Variants in ROR1 observed in about 807,000 individuals in gnomAD.
ROR1 encodes inactive tyrosine-protein kinase transmembrane receptor ROR1.
Under a neutral mutation model 78.8 loss-of-function variants are expected in ROR1, and 19 were observed. The observed-to-expected ratio is 0.24, with a 90% CI of 0.17 to 0.35. ROR1 has a LOEUF of 0.35. Ranked by LOEUF, ROR1 falls within the 10% of genes least tolerant of loss-of-function variation. The pLI is 1.00. For synonymous variants in ROR1, 386 were observed against 433.6 expected, an observed-to-expected ratio of 0.89 and a Z score of 1.36; for missense variants, 917 against 1,177.8, an observed-to-expected ratio of 0.78 and a Z score of 3.24.
At chr1:64,101,564 G>C (rs1647544777) in intron 4 of ROR1, among the ~76,000 whole-genome samples, 1 of 152,158 alleles carries the variant, frequency 6.6e-6, no homozygotes, top group African/African-American at 2.4e-5. Flanking sequence ...GCCAGCTCCT[G>C]TTCTAAGAAC....
At chr1:64,056,810 G>A (rs906094851) in intron 4 of ROR1, among the ~76,000 whole-genome samples, 3 of 151,938 alleles carry the variant, frequency 2.0e-5, no homozygotes, top group Non-Finnish European at 2.9e-5. Context: ...GGCCATTTAT[G>A]TTTTCTTTGG....
At chr1:64,065,148 A>G (rs1016549961) in intron 4 of ROR1, among the ~76,000 whole-genome samples, 1 of 152,182 alleles carries the variant, frequency 6.6e-6, no homozygotes, top group African/African-American at 2.4e-5. Flanking sequence ...TGTGGCAAAC[A>G]CTTACTAAGT....
chr1:63,857,720 G>A (rs1351739038), intron 1 of ROR1, among the ~76,000 whole-genome samples: 2 of 152,194 alleles, frequency 1.3e-5, no homozygotes, highest in African/African-American at 4.8e-5. Flanking sequence ...TCAAGTGCAA[G>A]TTCATACTAT....
chr1:63,920,524 C>G (rs1322635605), intron 1 of ROR1, among the ~76,000 whole-genome samples: 1 of 152,146 alleles, frequency 6.6e-6, no homozygotes, highest in Non-Finnish European at 1.5e-5. Context: ...GGAGGCCTGT[C>G]CATCACGCCA....
At chr1:63,851,043 G>T (rs562926927) in intron 1 of ROR1, among the ~76,000 whole-genome samples, 1 of 152,264 alleles carries the variant, frequency 6.6e-6, no homozygotes, top group Non-Finnish European at 1.5e-5. Flanking sequence ...GCAGTGGCAC[G>T]ATCTAGGCTC....
intron 1 of ROR1, among the ~76,000 whole-genome samples, chr1:63,900,722 A>G (rs2100402660): frequency 6.6e-6 from 1 of 152,230 alleles, no homozygotes; most frequent in African/African-American, 2.4e-5. Flanking sequence ...TAATATTTTT[A>G]TTTACCACTC....
At chr1:63,947,063 C>T (rs1218815055) in intron 1 of ROR1, among the ~76,000 whole-genome samples, 2 of 152,162 alleles carry the variant, frequency 1.3e-5, no homozygotes, top group African/African-American at 2.4e-5. Flanking sequence ...CTTCTCCTGA[C>T]CCGTGTTCTC....
chr1:63,798,976 C>A, intron 1 of ROR1, among the ~76,000 whole-genome samples: 1 of 152,136 alleles, frequency 6.6e-6, no homozygotes, highest in East Asian at 1.9e-4. Flanking sequence ...CGTCAATTTC[C>A]CTGCTAGTAA....
chr1:64,080,879 G>A (rs1236394082), intron 4 of ROR1, among the ~76,000 whole-genome samples: 1 of 152,174 alleles, frequency 6.6e-6, no homozygotes, highest in Non-Finnish European at 1.5e-5. Flanking sequence ...CAAGACGGTG[G>A]TATGAAAGCA....
chr1:63,971,862 T>C (rs1646122113), intron 1 of ROR1, among the ~76,000 whole-genome samples: 2 of 152,172 alleles, frequency 1.3e-5, no homozygotes, highest in Non-Finnish European at 2.9e-5. Flanking sequence ...TCCTCGGTCT[T>C]GCTCATGCCA....
At chr1:64,137,626 C>T in intron 5 of ROR1, 130 bp downstream of exon 5, 1 of 772,356 alleles carries the variant, frequency 1.3e-6, no homozygotes, top group Non-Finnish European at 2.0e-6. Context: ...CATAAAAAAG[C>T]ATGAGACATG....
chr1:63,967,924 CAT>C (rs1646088032), intron 1 of ROR1, among the ~76,000 whole-genome samples: 1 of 152,196 alleles, frequency 6.6e-6, no homozygotes. Context: ...TAGTTTTACA[CAT>C]GTTTTTTATC....
intron 4 of ROR1, among the ~76,000 whole-genome samples, chr1:64,074,452 C>A (rs547373757): frequency 6.6e-6 from 1 of 152,266 alleles, no homozygotes; most frequent in East Asian, 1.9e-4. Context: ...AGAGGCTGAA[C>A]TTGAACTGAT....
At chr1:63,780,003 A>G (rs909876362) in intron 1 of ROR1, among the ~76,000 whole-genome samples, 5 of 152,208 alleles carry the variant, frequency 3.3e-5, no homozygotes, top group Admixed American at 2.0e-4. Flanking sequence ...ACATCCTCAG[A>G]TGAAAAGGTT....
At chr1:63,939,403 A>G (rs1557572566) in intron 1 of ROR1, among the ~76,000 whole-genome samples, 1 of 143,864 alleles carries the variant, frequency 7.0e-6, no homozygotes, top group East Asian at 1.9e-4. Flanking sequence ...TGCCAGGTAT[A>G]TAGCCCCTAA....
chr1:64,108,975 G>A (rs1259244105), intron 4 of ROR1, among the ~76,000 whole-genome samples: 1 of 152,132 alleles, frequency 6.6e-6, no homozygotes, highest in African/African-American at 2.4e-5. Context: ...AGGGCCACAG[G>A]TATCTTGGAC....
At chr1:63,968,094 G>A (rs1409735559) in intron 1 of ROR1, among the ~76,000 whole-genome samples, 2 of 152,088 alleles carry the variant, frequency 1.3e-5, no homozygotes, top group Admixed American at 6.5e-5. Flanking sequence ...ACAGATAGAT[G>A]GTAAGAATTT....
intron 2 of ROR1, among the ~76,000 whole-genome samples, chr1:64,045,162 A>C (rs1455431469): frequency 1.3e-5 from 2 of 152,306 alleles, no homozygotes; most frequent in East Asian, 3.9e-4. Context: ...TTGGTGTAGT[A>C]TCAAAGAAGA....
chr1:63,813,022 A>G (rs1020335162), intron 1 of ROR1, among the ~76,000 whole-genome samples: 2 of 152,090 alleles, frequency 1.3e-5, no homozygotes, highest in Non-Finnish European at 2.9e-5. Context: ...AAAGAGACAG[A>G]TATCAATTTT....
Sources: gnomAD v4.1 joint callset for allele counts (sites outside exome capture counted in the v4.1 genomes callset) on GRCh38, gnomAD v4.1.1 for gene constraint, MANE v1.5 for transcripts, NCBI Gene and HGNC (gene_info 2026-07-23, HGNC 2026-07-21) for gene names.